Variants in IL1RAPL1 observed in about 807,000 individuals in gnomAD.
IL1RAPL1 encodes interleukin-1 receptor accessory protein-like 1.
Under a neutral mutation model 48.4 loss-of-function variants are expected in IL1RAPL1, and 3 were observed. That is an observed-to-expected ratio of 0.06 (90% CI 0.03 to 0.16). The LOEUF is 0.16. IL1RAPL1 is among the 10% of genes least tolerant of loss of function. The pLI is 1.00. For missense variants in IL1RAPL1, 349 were observed against 530.6 expected (o/e 0.66, Z 3.36); for synonymous variants, 185 against 187.7 (o/e 0.99, Z 0.12).
intron 2 of IL1RAPL1, among the ~76,000 whole-genome samples, chrX:29,091,256 T>G (rs1928083679): frequency 8.9e-6 from 1 of 112,287 alleles, no homozygotes; most frequent in African/African-American, 3.2e-5. Context: ...GAAGATGAGC[T>G]TGCCTTATCA....
At chrX:29,943,271 A>G (rs977855036) in intron 9 of IL1RAPL1, among the ~76,000 whole-genome samples, 3 of 112,019 alleles carry the variant, frequency 2.7e-5, no homozygotes, top group Non-Finnish European at 3.8e-5. Context: ...TTAAAGAAAT[A>G]TAAGGACTTT....
At chrX:29,938,001 A>C (rs964497567) in intron 8 of IL1RAPL1, among the ~76,000 whole-genome samples, 2 of 111,758 alleles carry the variant, frequency 1.8e-5, no homozygotes, top group Non-Finnish European at 3.8e-5. Context: ...TTTTCATGTG[A>C]CACAAGACTG....
intron 6 of IL1RAPL1, among the ~76,000 whole-genome samples, chrX:29,865,540 C>T (rs972435197): frequency 9.1e-6 from 1 of 110,349 alleles, no homozygotes; most frequent in Admixed American, 9.7e-5. Context: ...AAGTCTCATC[C>T]CCAGAATAAT....
At chrX:28,604,002 C>T (rs1042070830) in intron 1 of IL1RAPL1, among the ~76,000 whole-genome samples, 2 of 112,037 alleles carry the variant, frequency 1.8e-5, no homozygotes, top group African/African-American at 3.2e-5. Context: ...ATGCAGAAAG[C>T]GATGTCTTAA....
intron 3 of IL1RAPL1, among the ~76,000 whole-genome samples, chrX:29,336,530 G>A (rs1735402737): frequency 9.2e-6 from 1 of 109,247 alleles, no homozygotes; most frequent in Non-Finnish European, 1.9e-5. Flanking sequence ...GGGATTCCAA[G>A]CGTTGTGGCC....
At chrX:29,882,143 C>A (rs778502521) in intron 6 of IL1RAPL1, among the ~76,000 whole-genome samples, 4 of 111,651 alleles carry the variant, frequency 3.6e-5, no homozygotes, top group Non-Finnish European at 7.5e-5. Flanking sequence ...CAAGAAACAG[C>A]CTTCCTGTAT....
intron 1 of IL1RAPL1, among the ~76,000 whole-genome samples, chrX:28,631,161 A>T (rs1015785511): frequency 8.9e-6 from 1 of 111,840 alleles, no homozygotes. Flanking sequence ...CTTGTCTGCC[A>T]CAGATACCTA....
chrX:29,332,613 TTTA>T (rs1403466195), intron 3 of IL1RAPL1, among the ~76,000 whole-genome samples: 15 of 18,050 alleles, frequency 8.3e-4, no homozygotes, highest in Non-Finnish European at 1.0e-3. Context: ...CCATATTTTA[TTTA>T]TTTATTTATT....
chrX:29,365,789 G>A (rs1026540628), intron 3 of IL1RAPL1, among the ~76,000 whole-genome samples: 3 of 102,043 alleles, frequency 2.9e-5, no homozygotes, highest in African/African-American at 7.2e-5. Context: ...CTGTAATCCC[G>A]GCACTTTGGG....
intron 6 of IL1RAPL1, among the ~76,000 whole-genome samples, chrX:29,890,443 T>G (rs115433072): frequency 0.18 from 20,169 of 111,429 alleles, 1,437 homozygotes; most frequent in Middle Eastern, 0.23. Flanking sequence ...AGTGAAGAAC[T>G]TTTTGAATAA....
intron 6 of IL1RAPL1, among the ~76,000 whole-genome samples, chrX:29,675,536 G>A (rs1926256994): frequency 8.9e-6 from 1 of 112,355 alleles, no homozygotes; most frequent in Non-Finnish European, 1.9e-5. Flanking sequence ...TCTAAATGAA[G>A]AACTTTAGGA....
At chrX:29,808,294 T>C (rs891684613) in intron 6 of IL1RAPL1, among the ~76,000 whole-genome samples, 5 of 111,712 alleles carry the variant, frequency 4.5e-5, no homozygotes, top group Admixed American at 9.5e-5. Flanking sequence ...TTAATGGTAA[T>C]TTTTTTTAAG....
At chrX:28,966,889 A>T in intron 2 of IL1RAPL1, among the ~76,000 whole-genome samples, 1 of 112,018 alleles carries the variant, frequency 8.9e-6, no homozygotes, top group Middle Eastern at 4.6e-3. Context: ...CATTGTTATT[A>T]TAGTCTAGAG....
chrX:29,064,419 T>C (rs959911690), intron 2 of IL1RAPL1, among the ~76,000 whole-genome samples: 1 of 111,143 alleles, frequency 9.0e-6, no homozygotes, highest in African/African-American at 3.3e-5. Context: ...ATTCTAATAC[T>C]GTGCTTCCTG....
intron 2 of IL1RAPL1, among the ~76,000 whole-genome samples, chrX:28,933,277 C>A (rs1386052486): frequency 9.0e-6 from 1 of 110,983 alleles, no homozygotes; most frequent in Non-Finnish European, 1.9e-5. Flanking sequence ...AGCAAGCTTT[C>A]AGATCTTTTC....
intron 5 of IL1RAPL1, among the ~76,000 whole-genome samples, chrX:29,560,802 C>G (rs182684947): frequency 3.2e-4 from 36 of 112,009 alleles, no homozygotes; most frequent in Non-Finnish European, 5.3e-4. Flanking sequence ...TTGTACCTCA[C>G]TGAGCTTTTT....
At chrX:28,673,554 A>G (rs1472130840) in intron 1 of IL1RAPL1, among the ~76,000 whole-genome samples, 1 of 112,162 alleles carries the variant, frequency 8.9e-6, no homozygotes. Context: ...GGTGGGTAGC[A>G]CATTCAGTGG....
chrX:28,644,046 C>A (rs1485091819), intron 1 of IL1RAPL1, among the ~76,000 whole-genome samples: 2 of 111,704 alleles, frequency 1.8e-5, no homozygotes, highest in African/African-American at 6.5e-5. Context: ...ACAAAAAGTC[C>A]TATTTCCTAA....
At chrX:29,016,865 A>G (rs932977354) in intron 2 of IL1RAPL1, among the ~76,000 whole-genome samples, 1 of 111,678 alleles carries the variant, frequency 9.0e-6, no homozygotes, top group East Asian at 2.8e-4. Flanking sequence ...AAACATATAT[A>G]CACATGGACA....
Sources: gnomAD v4.1 joint callset for allele counts (sites outside exome capture counted in the v4.1 genomes callset) on GRCh38, gnomAD v4.1.1 for gene constraint, MANE v1.5 for transcripts, NCBI Gene and HGNC (gene_info 2026-07-23, HGNC 2026-07-21) for gene names.